The following FLVCR2 variants were observed in gnomAD, a reference collection of about 807,000 sequenced individuals.
FLVCR2 encodes choline/ethanolamine transporter FLVCR2.
Under a neutral mutation model 48.9 loss-of-function variants are expected in FLVCR2, and 38 were observed. That is an observed-to-expected ratio of 0.78 (90% CI 0.60 to 1.02). FLVCR2 has a LOEUF of 1.02. Ranked by LOEUF, FLVCR2 falls within the 50% of genes least tolerant of loss-of-function variation. The probability of loss-of-function intolerance (pLI) is 0.00; values close to 1 mark genes in which losing one functional copy is unlikely to be tolerated. For synonymous variants in FLVCR2, 255 were observed against 257.0 expected (o/e 0.99, Z 0.07); for missense variants, 664 against 663.3 (o/e 1.00, Z -0.01).
At position 75,579,082 on chromosome 14, in the gene FLVCR2, C is replaced by T. The variant is rs763845250; in HGVS notation, c.110C>T (p.Pro37Leu). Residue 37 changes from proline (P) to leucine (L), a missense_variant, in exon 1 of 10, where the codon CCC becomes CTC. Transcript: ENST00000238667. ...GTCCATCCCAGCGTCTCGGTCCATC[C>T]CAGCGTCTCCATCAACCCCAGCGTC... The part of the protein sequence containing the change: ...VSVHPSVSVH[P>L]SVSINPSVSV... 2.5e-6 allele frequency: 4 copies of T among 1,614,054 alleles called. No homozygotes were observed. The highest frequency in any genetic ancestry group is 3.4e-6 in the Non-Finnish European group (4 of 1,179,970).
intron 1 of FLVCR2, among the ~76,000 whole-genome samples, chr14:75,592,831 A>C (rs551943704): frequency 3.7e-4 from 56 of 150,944 alleles, no homozygotes; most frequent in Non-Finnish European, 7.7e-4. Flanking sequence ...TTTAAAAAGA[A>C]AAAAAAAAAG....
At chr14:75,596,022 GT>G in intron 1 of FLVCR2, 1 of 1,404,672 alleles carries the variant, frequency 7.1e-7, no homozygotes. Context: ...ACCAAAATGA[GT>G]TTTGAATGCA....
At chr14:75,618,408 G>A (rs1375678560) in intron 1 of FLVCR2, among the ~76,000 whole-genome samples, 2 of 152,206 alleles carry the variant, frequency 1.3e-5, no homozygotes, top group South Asian at 4.1e-4. Flanking sequence ...AAAATGAAGA[G>A]AGCCTAATTT....
In FLVCR2 at chr14:75,578,895, A is replaced by G; in HGVS notation, c.-78A>G. ...AGGCAAGTGTCCTTTCAACTCTAAG[A>G]GACCAGCAGAGGCCACTGTCCCTTA... On this transcript the variant is annotated 5_prime_UTR_variant, in exon 1 of 10. Coordinates refer to ENST00000238667, the MANE Select transcript of FLVCR2 (RefSeq NM_017791.3). The G allele has an allele frequency of 7.5e-7, 1 of 1,339,494 alleles. No homozygotes were observed. Among genetic ancestry groups the G allele is most frequent in the Non-Finnish European group, 1.1e-6 (1 of 933,570 alleles). The allele number at this position is 1,339,494 out of a possible 1,614,324, so 83.0% of individuals were successfully genotyped here. A position where few individuals can be genotyped will look rare whatever the true frequency, so the allele number is the denominator to read the frequency against.
chr14:75,643,021 C>G (rs7140617), intron 9 of FLVCR2, among the ~76,000 whole-genome samples: 1 of 151,964 alleles, frequency 6.6e-6, no homozygotes, highest in African/African-American at 2.4e-5. Context: ...GCCACTATGC[C>G]TAGCTAATGT....
chr14:75,639,491 G>T, intron 6 of FLVCR2, 29 bp downstream of exon 6: 1 of 1,452,164 alleles, frequency 6.9e-7, no homozygotes, highest in Non-Finnish European at 9.7e-7. Flanking sequence ...TGATTTATTA[G>T]AAAATACCAT....
At chr14:75,617,473 A>C (rs1276697187) in intron 1 of FLVCR2, among the ~76,000 whole-genome samples, 1 of 152,184 alleles carries the variant, frequency 6.6e-6, no homozygotes, top group Non-Finnish European at 1.5e-5. Context: ...TTTTTGTTAA[A>C]CACCCTCTAT....
intron 2 of FLVCR2, among the ~76,000 whole-genome samples, chr14:75,623,602 G>A (rs1041067565): frequency 1.3e-5 from 2 of 151,872 alleles, no homozygotes; most frequent in Non-Finnish European, 2.9e-5. Flanking sequence ...AAGAATCCAG[G>A]ATGAGAAAGC....
intron 1 of FLVCR2, among the ~76,000 whole-genome samples, chr14:75,601,942 T>G (rs1450734254): frequency 6.6e-6 from 1 of 152,214 alleles, no homozygotes; most frequent in African/African-American, 2.4e-5. Flanking sequence ...TAACTCCTCT[T>G]CAGGTTTGAT....
chr14:75,628,750 G>A (rs978986735), intron 3 of FLVCR2, among the ~76,000 whole-genome samples: 3 of 152,146 alleles, frequency 2.0e-5, no homozygotes, highest in African/African-American at 7.2e-5. Context: ...TCATCCATCT[G>A]TGCTGCCCAT....
At chr14:75,606,503 G>A (rs1471550118) in intron 1 of FLVCR2, among the ~76,000 whole-genome samples, 1 of 152,172 alleles carries the variant, frequency 6.6e-6, no homozygotes, top group East Asian at 1.9e-4. Flanking sequence ...CTGCTGAGAA[G>A]CTAGACAGGA....
In FLVCR2 at chr14:75,622,198, C is replaced by A. The variant is rs769963989; in HGVS notation, c.789C>A (p.Leu263=). 5 of 1,613,934 alleles carry A rather than the reference C, an allele frequency of 3.1e-6. No homozygotes were observed. In the African/African-American group the frequency reaches 5.3e-5, roughly 17 times the overall value. The change falls in exon 2 of 10, where the codon CTC becomes CTA. Residue 263 remains leucine (L), a synonymous_variant. Transcript: ENST00000238667. ...ATATAATAGGAGGTGTGGCCACTCT[C>A]CTCCTCATCCTTGTCATCATTGGTA... ...MFYIIGGVAT[L]LLILVIIVFK...
At chr14:75,605,321 TC>T in intron 1 of FLVCR2, 1 of 609,752 alleles carries the variant, frequency 1.6e-6, no homozygotes, top group Admixed American at 3.4e-5. Context: ...CCTCCTGACT[TC>T]TTTCTACCTA....
At chr14:75,645,471 C>T (rs1890401247) in intron 9 of FLVCR2, among the ~76,000 whole-genome samples, 1 of 152,098 alleles carries the variant, frequency 6.6e-6, no homozygotes, top group Non-Finnish European at 1.5e-5. Context: ...AATTTCCAGG[C>T]CATGTTGAAT....
At chr14:75,593,064 G>A (rs189682551) in intron 1 of FLVCR2, among the ~76,000 whole-genome samples, 1 of 152,176 alleles carries the variant, frequency 6.6e-6, no homozygotes, top group African/African-American at 2.4e-5. Context: ...TCTCTGAGAA[G>A]TTCCAAACGT....
chr14:75,595,951 C>A, intron 1 of FLVCR2: 1 of 1,491,130 alleles, frequency 6.7e-7, no homozygotes. Context: ...TGTTTGGGTT[C>A]ATTTTTCTTT....
chr14:75,643,740 T>C (rs1158409826), intron 9 of FLVCR2, among the ~76,000 whole-genome samples: 1 of 152,186 alleles, frequency 6.6e-6, no homozygotes. Context: ...GTATGGCCAC[T>C]GTGGAGATGG....
Position 75,596,306 on chromosome 14 carries a change from C to A in FLVCR2, c.669+16665C>A, listed in dbSNP as rs139296505. 2,425 of 465,442 alleles carry A rather than the reference C, an allele frequency of 5.2e-3. 40 individuals carry two copies. The highest frequency in any genetic ancestry group is 0.043 in the African/African-American group (2,208 of 50,956). The allele number at this position is 465,442 out of a possible 1,614,324, so 28.8% of individuals were successfully genotyped here. On this transcript the variant is annotated intron_variant, in intron 1 of 9. Coordinates refer to ENST00000238667, the MANE Select transcript of FLVCR2 (RefSeq NM_017791.3). Reference sequence around the variant, plus strand: ...GAGGAGAGTAGACAAGGGCTGGGAGCAGAAAACAAGGCCAGTAGTGACTAA... The same window carrying A: ...GAGGAGAGTAGACAAGGGCTGGGAGAAGAAAACAAGGCCAGTAGTGACTAA...
intron 1 of FLVCR2, among the ~76,000 whole-genome samples, chr14:75,585,626 C>A (rs552191900): frequency 6.6e-6 from 1 of 152,172 alleles, no homozygotes; most frequent in African/African-American, 2.4e-5. Context: ...AATTGACTTG[C>A]CACCAAGGGA....
Sources: gnomAD v4.1 joint callset for allele counts (sites outside exome capture counted in the v4.1 genomes callset) on GRCh38, gnomAD v4.1.1 for gene constraint, MANE v1.5 for transcripts, NCBI Gene and HGNC (gene_info 2026-07-23, HGNC 2026-07-21) for gene names.